Variants in CDH23 observed in about 807,000 individuals in gnomAD.
CDH23 encodes cadherin-23.
In CDH23, 189 loss-of-function variants were observed where a neutral mutation model predicts 317.1. The ratio of observed to expected loss-of-function variants is 0.60; its 90% confidence interval spans 0.53 to 0.67. CDH23 has a LOEUF of 0.67. Among genes scored for constraint, CDH23 ranks in the 30% least tolerant of loss-of-function variants. The pLI is 0.00. For synonymous variants in CDH23, 1,839 were observed against 1,876.8 expected (o/e 0.98, Z 0.52); for missense variants, 4,401 against 4,592.4 (o/e 0.96, Z 1.20).
At chr10:71,477,575 A>G (rs146541456) in intron 3 of CDH23, among the ~76,000 whole-genome samples, 116 of 152,248 alleles carry the variant, frequency 7.6e-4, no homozygotes, top group African/African-American at 2.7e-3. Context: ...TTCGGCTGCC[A>G]TGTGCAGGGT....
chr10:71,522,470 C>A (rs1854755134), intron 6 of CDH23, among the ~76,000 whole-genome samples: 1 of 152,214 alleles, frequency 6.6e-6, no homozygotes, highest in Non-Finnish European at 1.5e-5. Flanking sequence ...ACTCCCCACA[C>A]TGGTTAGGAG....
chr10:71,603,588 G>A (rs1860356243), intron 9 of CDH23, among the ~76,000 whole-genome samples: 1 of 152,194 alleles, frequency 6.6e-6, no homozygotes, highest in Non-Finnish European at 1.5e-5. Flanking sequence ...AGGCCCCGGA[G>A]GTAACCGGGT....
intron 22 of CDH23, among the ~76,000 whole-genome samples, chr10:71,697,652 A>T (rs1773992036): frequency 6.6e-6 from 1 of 151,844 alleles, no homozygotes; most frequent in Non-Finnish European, 1.5e-5. Flanking sequence ...AGCCTGAGTG[A>T]CAGAGTGAGA....
intron 9 of CDH23, among the ~76,000 whole-genome samples, chr10:71,600,727 G>A (rs780597759): frequency 4.0e-5 from 6 of 151,802 alleles, no homozygotes; most frequent in African/African-American, 1.2e-4. Flanking sequence ...CGTGTTAGCC[G>A]CAATGGTCTC....
intron 3 of CDH23, among the ~76,000 whole-genome samples, chr10:71,496,252 A>G (rs566741682): frequency 6.6e-6 from 1 of 152,258 alleles, no homozygotes; most frequent in African/African-American, 2.4e-5. Context: ...GTTGAGATGC[A>G]TGGCCTCAAA....
At chr10:71,750,488 C>A (rs1053799328) in intron 38 of CDH23, 2 of 152,452 alleles carry the variant, frequency 1.3e-5, no homozygotes, top group East Asian at 3.9e-4. Flanking sequence ...CCAGAAGGCC[C>A]CACCCACCTC....
At position 71,815,116 on chromosome 10, in the gene CDH23, C is replaced by A. The variant is rs55717455; in HGVS notation, c.9903C>A (p.Pro3301=). 39 of 1,611,038 alleles carry A rather than the reference C, an allele frequency of 2.4e-5. 1 individual carries two copies. The South Asian group carries it at 4.2e-4, about 17-fold the overall frequency. The change falls in exon 70 of 70, where the codon CCC becomes CCA. Residue 3301 remains proline (P), a synonymous_variant. Coordinates refer to ENST00000224721, the MANE Select transcript of CDH23 (RefSeq NM_022124.6). ...TLLATDLNSL[P]EEDQKGLGRS... ...TGGCCACCGACCTCAACAGCCTGCCCGAGGAAGACCAGAAGGGCCTGGGCC... is the reference window on the plus strand; with the variant it reads ...TGGCCACCGACCTCAACAGCCTGCCAGAGGAAGACCAGAAGGGCCTGGGCC...
At chr10:71,640,321 T>C (rs888427427) in intron 11 of CDH23, among the ~76,000 whole-genome samples, 1 of 152,250 alleles carries the variant, frequency 6.6e-6, no homozygotes, top group Admixed American at 6.5e-5. Flanking sequence ...TCTCTGCTCA[T>C]CCACCATACC....
chr10:71,554,568 C>G (rs1051857295), intron 6 of CDH23, among the ~76,000 whole-genome samples: 1 of 152,140 alleles, frequency 6.6e-6, no homozygotes, highest in Non-Finnish European at 1.5e-5. Context: ...TGCCTCCAGC[C>G]CCTGCAGCCC....
intron 9 of CDH23, among the ~76,000 whole-genome samples, chr10:71,586,926 A>C (rs1351565784): frequency 1.3e-5 from 2 of 152,190 alleles, no homozygotes; most frequent in Non-Finnish European, 2.9e-5. Flanking sequence ...CCATCATGGG[A>C]GAATACTGTA....
chr10:71,664,251 G>T (rs1863795908), intron 14 of CDH23, among the ~76,000 whole-genome samples: 1 of 152,196 alleles, frequency 6.6e-6, no homozygotes, highest in African/African-American at 2.4e-5. Context: ...ACTTCTTTAA[G>T]CCCAGAGCTG....
At position 71,790,433 on chromosome 10, in the gene CDH23, C is replaced by A; in HGVS notation, c.6049+20C>A. ...GCACCGGTGAGGCCTCTGTGCCACC[C>A]AGCACTCCCAGCCTGATTCTGGGGT... On this transcript the variant is annotated intron_variant, in intron 46 of 69. Coordinates refer to ENST00000224721, the MANE Select transcript of CDH23 (RefSeq NM_022124.6). 6.2e-7 allele frequency: 1 copy of A among 1,609,348 alleles called. No homozygotes were observed. Among genetic ancestry groups the A allele is most frequent in the South Asian group, 1.1e-5 (1 of 90,510 alleles).
chr10:71,618,342 C>G (rs897793168), intron 11 of CDH23, among the ~76,000 whole-genome samples: 3 of 152,034 alleles, frequency 2.0e-5, no homozygotes, highest in Non-Finnish European at 4.4e-5. Flanking sequence ...CTGACACACC[C>G]TGCATCACAG....
rs199613049 is a variant in CDH23, at chr10:71,479,424, AG to A, written c.146-30657del. ...GAACTGAATCCCGCAGGAAAGCAGG[AG>A]TGAGAGGGGAAGGGACTGCGGCCAA... On this transcript the variant is annotated intron_variant, in intron 3 of 69. Transcript: ENST00000224721. Among the ~76,000 whole-genome samples the A allele has an allele frequency of 9.0e-4, 137 of 152,182 alleles. 1 individual carries two copies. The East Asian group carries it at 0.021, about 23-fold the overall frequency.
intron 6 of CDH23, among the ~76,000 whole-genome samples, chr10:71,543,950 G>GA (rs908382735): frequency 2.2e-4 from 33 of 148,144 alleles, no homozygotes; most frequent in Non-Finnish European, 3.7e-4. Context: ...TTGAGAAGGA[G>GA]AAAAAAAAAA....
intron 50 of CDH23, 59 bp downstream of exon 50, chr10:71,798,637 C>T: frequency 3.0e-6 from 4 of 1,341,256 alleles, no homozygotes; most frequent in Non-Finnish European, 4.1e-6. Flanking sequence ...TTGCTTAGTC[C>T]CCAAGAGAGA....
intron 18 of CDH23, among the ~76,000 whole-genome samples, chr10:71,684,635 T>C (rs1864799756): frequency 6.6e-6 from 1 of 152,204 alleles, no homozygotes; most frequent in South Asian, 2.1e-4. Flanking sequence ...AATGGGATTG[T>C]GCAGGTGGCA....
intron 52 of CDH23, among the ~76,000 whole-genome samples, chr10:71,799,955 G>A (rs1160195078): frequency 6.6e-6 from 1 of 152,228 alleles, no homozygotes; most frequent in Non-Finnish European, 1.5e-5. Flanking sequence ...GAGACAGTCA[G>A]AAAAGAAGCA....
At chr10:71,572,638 C>T (rs914590160) in intron 8 of CDH23, among the ~76,000 whole-genome samples, 1 of 152,126 alleles carries the variant, frequency 6.6e-6, no homozygotes, top group Non-Finnish European at 1.5e-5. Flanking sequence ...AAAGTCCACC[C>T]ACCCATTTGT....
Sources: gnomAD v4.1 joint callset for allele counts (sites outside exome capture counted in the v4.1 genomes callset) on GRCh38, gnomAD v4.1.1 for gene constraint, MANE v1.5 for transcripts, NCBI Gene and HGNC (gene_info 2026-07-23, HGNC 2026-07-21) for gene names.